Variants in IMPA1 observed in about 807,000 individuals in gnomAD.
The protein encoded by IMPA1 is inositol monophosphatase 1.
In IMPA1, 21 loss-of-function variants were observed where a neutral mutation model predicts 34.9. The ratio of observed to expected loss-of-function variants is 0.60; its 90% CI spans 0.43 to 0.87. The LOEUF (loss-of-function observed/expected upper bound fraction) is 0.87. Among genes scored for constraint, IMPA1 ranks in the 40% least tolerant of loss-of-function variants. IMPA1 has a pLI of 0.00. For synonymous variants in IMPA1, 95 were observed against 104.4 expected (o/e 0.91, Z 0.55); for missense variants, 299 against 336.4 (o/e 0.89, Z 0.87).
intron 1 of IMPA1, among the ~76,000 whole-genome samples, chr8:81,684,132 C>CACACAT (rs1358134972): frequency 2.6e-5 from 3 of 117,416 alleles, no homozygotes; most frequent in Non-Finnish European, 5.8e-5. Context: ...CACACACATA[C>CACACAT]ACACATACAC....
chr8:81,672,249 T>C (rs1807008658), intron 6 of IMPA1, among the ~76,000 whole-genome samples: 1 of 152,168 alleles, frequency 6.6e-6, no homozygotes, highest in Non-Finnish European at 1.5e-5. Flanking sequence ...TTTGGTGTGG[T>C]TTATGGAAGA....
chr8:81,671,095 C>A, intron 6 of IMPA1, 48 bp from the exon 7 acceptor site: 1 of 847,806 alleles, frequency 1.2e-6, no homozygotes, highest in Non-Finnish European at 1.8e-6. Flanking sequence ...TAGAAAATAC[C>A]TGACACTTGT....
intron 5 of IMPA1, chr8:81,674,261 C>G (rs754714566): frequency 8.9e-6 from 2 of 224,940 alleles, no homozygotes; most frequent in Non-Finnish European, 1.7e-5. Flanking sequence ...CTCCTACCCT[C>G]ACATACATTC....
rs758217847 is a variant in IMPA1, at chr8:81,676,287, T to A, written c.303-8A>T. 1.0e-4 allele frequency: 132 copies of A among 1,263,856 alleles called. No individual in the cohort carries two copies. Among genetic ancestry groups the A allele is most frequent in the African/African-American group, 3.4e-4 (22 of 65,218 alleles). 78.3% of individuals were successfully genotyped at this position (1,263,856 alleles called of 1,614,324 possible). On this transcript the variant is annotated splice_polypyrimidine_tract_variant and splice_region_variant and intron_variant, in intron 4 of 8. Transcript: ENST00000256108. ...ACAGCTACAAAAGGAAATCTTTTTT[T>A]AAAAAAAAGGACAAAATACAAATTA... is the stretch of plus-strand genomic sequence containing the variant.
chr8:81,673,778 T>TA (rs1229041431), intron 6 of IMPA1, 63 bp downstream of exon 6: 1 of 934,784 alleles, frequency 1.1e-6, no homozygotes, highest in Non-Finnish European at 1.7e-6. Flanking sequence ...AGGTGAATAT[T>TA]AAAAAACAAT....
intron 2 of IMPA1, among the ~76,000 whole-genome samples, 188 bp from the exon 3 acceptor site, chr8:81,680,971 T>C (rs1585903417): frequency 6.6e-6 from 1 of 152,238 alleles, no homozygotes; most frequent in South Asian, 2.1e-4. Flanking sequence ...ACAAAAATTA[T>C]ATAATCTTAC....
chr8:81,679,022 G>A (rs1052833156), intron 4 of IMPA1, 104 bp downstream of exon 4: 6 of 671,578 alleles, frequency 8.9e-6, no homozygotes, highest in South Asian at 7.5e-5. Flanking sequence ...AAGCATAAAC[G>A]AAGTATACAA....
intron 1 of IMPA1, 152 bp downstream of exon 1, chr8:81,686,100 C>T: frequency 3.4e-6 from 3 of 872,672 alleles, no homozygotes; most frequent in Non-Finnish European, 4.7e-6. Flanking sequence ...CCGGATAACG[C>T]AGCAGGCAGG....
intron 1 of IMPA1, among the ~76,000 whole-genome samples, chr8:81,683,309 G>C (rs1416572205): frequency 6.6e-6 from 1 of 152,180 alleles, no homozygotes; most frequent in East Asian, 1.9e-4. Flanking sequence ...TCAACAGAAG[G>C]GTAGAAAGTG....
rs1387800888 is a variant in IMPA1 at position 81,660,533 on chromosome 8, A to T, written c.701T>A (p.Val234Glu). ...AGIIVTEAGGVLMDVTGGPFD... is the reference protein window; with the variant it reads ...AGIIVTEAGGELMDVTGGPFD... ...AATTTTACCTGTAACATCCATTAGC[A>T]CGCCACCAGCTTCAGTAACAATAAT... The change falls in exon 8 of 9, where the codon GTG becomes GAG. Residue 234 changes from valine (V) to glutamate (E), a missense_variant. Coordinates refer to ENST00000256108, the MANE Select transcript of IMPA1 (RefSeq NM_005536.4). The T allele has an allele frequency of 6.2e-7, 1 of 1,613,796 alleles. No homozygotes were observed. The highest frequency in any genetic ancestry group is 8.5e-7 in the Non-Finnish European group (1 of 1,179,750).
chr8:81,684,266 GTA>G (rs61303365), intron 1 of IMPA1, among the ~76,000 whole-genome samples: 2 of 133,672 alleles, frequency 1.5e-5, no homozygotes, highest in African/African-American at 6.6e-5. Flanking sequence ...ACTATATATA[GTA>G]TACCATACAT....
intron 7 of IMPA1, among the ~76,000 whole-genome samples, chr8:81,669,083 C>T (rs113824164): frequency 0.014 from 2,202 of 152,274 alleles, 31 homozygotes; most frequent in Non-Finnish European, 0.024. Flanking sequence ...AAAGATTGTC[C>T]TCAGAAGCCT....
chr8:81,658,856 TA>T lies in IMPA1; in HGVS notation c.*494del. The T allele has an allele frequency of 6.5e-6, 1 of 154,860 alleles. No homozygotes were observed. The highest frequency in any genetic ancestry group is 2.0e-4 in the South Asian group (1 of 4,966). 9.6% of individuals were successfully genotyped at this position (154,860 alleles called of 1,614,324 possible). ...TAGATATGTAATGGGCCAGGTGCTA[TA>T]TGAACACTGAAGAATAAAACAAAAA... On this transcript the variant is annotated 3_prime_UTR_variant, in exon 9 of 9. Coordinates refer to ENST00000256108, the MANE Select transcript of IMPA1 (RefSeq NM_005536.4).
chr8:81,685,215 TACTATACATA>T (rs1807469079), intron 1 of IMPA1, among the ~76,000 whole-genome samples: 1 of 134,232 alleles, frequency 7.4e-6, no homozygotes, highest in African/African-American at 2.7e-5. Flanking sequence ...ATACTATATA[TACTATACATA>T]AGTATATTTA....
chr8:81,670,777 A>G (rs1446930859), intron 7 of IMPA1, among the ~76,000 whole-genome samples, 162 bp downstream of exon 7: 1 of 152,128 alleles, frequency 6.6e-6, no homozygotes, highest in Non-Finnish European at 1.5e-5. Context: ...TAAAAAGTGT[A>G]TTTATGAAAT....
At chr8:81,685,701 ATAGT>A (rs1185158886) in intron 1 of IMPA1, 7 of 728,106 alleles carry the variant, frequency 9.6e-6, no homozygotes, top group Non-Finnish European at 9.2e-6. Flanking sequence ...TAATATATGA[ATAGT>A]TATATATATA....
chr8:81,657,426 A>G lies in IMPA1; in HGVS notation c.*1925T>C, dbSNP rs945450521. Among the ~76,000 whole-genome samples, 3 of 152,016 alleles carry G rather than the reference A, an allele frequency of 2.0e-5. No individual in the cohort carries two copies. Among genetic ancestry groups the G allele is most frequent in the Non-Finnish European group, 4.4e-5 (3 of 67,976 alleles). Reference sequence around the variant, plus strand: ...GGAAGATTCTGTCTCTACAAAAACTAAAAAATTAGCCAGGCATGGTGGCAT... The same window carrying G: ...GGAAGATTCTGTCTCTACAAAAACTGAAAAATTAGCCAGGCATGGTGGCAT... On this transcript the variant is annotated 3_prime_UTR_variant, in exon 9 of 9. Coordinates refer to ENST00000256108, the MANE Select transcript of IMPA1 (RefSeq NM_005536.4).
rs1327058147 is a variant in IMPA1 at position 81,673,870 on chromosome 8, C to T, written c.428G>A (p.Gly143Asp). Residue 143 changes from glycine to aspartate, a missense_variant, in exon 6 of 9, where the codon GGT (glycine) becomes GAT (aspartate). By Grantham distance (94) the Gly-to-Asp change is moderately conservative (BLOSUM62 -1). Transcript: ENST00000256108. ...ARKGKGAFCN[G>D]QKLQVSQQED... Reference sequence around the variant, plus strand: ...TTGTTGTGAAACTTGTAGTTTTTGACCATTACAAAAGGCACCTTTTCCTTT... The same window carrying T: ...TTGTTGTGAAACTTGTAGTTTTTGATCATTACAAAAGGCACCTTTTCCTTT... 4 of 1,610,636 alleles carry T rather than the reference C, an allele frequency of 2.5e-6. No homozygotes were observed. The African/African-American group carries it at 5.3e-5, about 22-fold the overall frequency.
chr8:81,677,382 A>G (rs991298385), intron 4 of IMPA1, among the ~76,000 whole-genome samples: 14 of 152,214 alleles, frequency 9.2e-5, no homozygotes, highest in African/African-American at 2.9e-4. Flanking sequence ...GGCATGAGCC[A>G]CCGCGCCTGG....
Sources: gnomAD v4.1 joint callset for allele counts (sites outside exome capture counted in the v4.1 genomes callset) on GRCh38, gnomAD v4.1.1 for gene constraint, MANE v1.5 for transcripts, NCBI Gene and HGNC (gene_info 2026-07-23, HGNC 2026-07-21) for gene names.